Variants in DTD1 observed in about 807,000 individuals in gnomAD.
DTD1 encodes D-aminoacyl-tRNA deacylase 1.
A neutral mutation model predicts 25.6 loss-of-function variants in DTD1; 13 were observed. The observed-to-expected ratio is 0.51, with a 90% confidence interval of 0.33 to 0.81. DTD1 has a LOEUF of 0.81. Among genes scored for constraint, DTD1 ranks in the 30% least tolerant of loss-of-function variants. The probability of loss-of-function intolerance (pLI) is 0.02; values close to 1 mark genes in which losing one functional copy is unlikely to be tolerated. For synonymous variants in DTD1, 110 were observed against 103.6 expected (o/e 1.06, Z -0.37); for missense variants, 193 against 266.4 (o/e 0.72, Z 1.92).
chr20:18,708,262 A>ATTATATATATT (rs2061139555), intron 4 of DTD1, among the ~76,000 whole-genome samples: 11 of 35,646 alleles, frequency 3.1e-4, no homozygotes, highest in East Asian at 9.2e-4. Context: ...TTATATATAT[A>ATTATATATATT]TTTTATATAT....
At chr20:18,610,629 G>T (rs1293511707) in intron 3 of DTD1, among the ~76,000 whole-genome samples, 1 of 152,214 alleles carries the variant, frequency 6.6e-6, no homozygotes, top group African/African-American at 2.4e-5. Context: ...AGAATTTATG[G>T]CTGGGTATGG....
At chr20:18,685,587 G>A (rs148181133) in intron 4 of DTD1, among the ~76,000 whole-genome samples, 2,587 of 152,290 alleles carry the variant, frequency 0.017, 41 homozygotes, top group South Asian at 0.03. Context: ...GTGGGTGACC[G>A]AGTCTCTCTC....
In DTD1 at chr20:18,628,190, T is replaced by G. The variant is rs2060767050; in HGVS notation, c.434T>G (p.Leu145Arg). The G allele has an allele frequency of 6.2e-7, 1 of 1,613,894 alleles. No homozygotes were observed. The change falls in exon 4 of 6, where the codon CTG becomes CGG. Residue 145 changes from leucine (L) to arginine (R), a missense_variant. Coordinates refer to ENST00000377452, the MANE Select transcript of DTD1 (RefSeq NM_080820.6). ...IQNDGPVTIE[L>R]ESPAPGTATS... ...AATGATGGGCCTGTGACCATAGAGC[T>G]GGAATCGCCAGCTCCCGGCACTGCT...
At chr20:18,690,795 C>T (rs2061043106) in intron 4 of DTD1, among the ~76,000 whole-genome samples, 1 of 151,924 alleles carries the variant, frequency 6.6e-6, no homozygotes, top group South Asian at 2.1e-4. Context: ...TGGCTTTGTT[C>T]TTTTTGCTTA....
At chr20:18,732,892 G>A (rs888811861) in intron 4 of DTD1, among the ~76,000 whole-genome samples, 3 of 152,178 alleles carry the variant, frequency 2.0e-5, no homozygotes, top group Non-Finnish European at 2.9e-5. Context: ...CTTCCAATAT[G>A]TAGACACGTA....
At chr20:18,733,786 C>T (rs1037512051) in intron 4 of DTD1, among the ~76,000 whole-genome samples, 3 of 152,136 alleles carry the variant, frequency 2.0e-5, no homozygotes, top group Admixed American at 6.5e-5. Flanking sequence ...AAAAATTCTA[C>T]AAAAACCTCA....
At chr20:18,718,983 C>T (rs184524894) in intron 4 of DTD1, among the ~76,000 whole-genome samples, 86 of 152,218 alleles carry the variant, frequency 5.6e-4, no homozygotes, top group Non-Finnish European at 9.1e-4. Flanking sequence ...ATGGTCTCCC[C>T]GTTTTGTACA....
At chr20:18,599,072 A>G (rs189593550) in intron 3 of DTD1, among the ~76,000 whole-genome samples, 1 of 152,262 alleles carries the variant, frequency 6.6e-6, no homozygotes, top group East Asian at 1.9e-4. Context: ...TAGTCTGGAG[A>G]TACCACAGTT....
At chr20:18,670,869 G>T (rs753280553) in intron 4 of DTD1, among the ~76,000 whole-genome samples, 12 of 152,202 alleles carry the variant, frequency 7.9e-5, no homozygotes, top group Non-Finnish European at 1.8e-4. Flanking sequence ...ACAGAAAAAC[G>T]TGAGTCTCAA....
intron 4 of DTD1, among the ~76,000 whole-genome samples, chr20:18,696,536 G>A (rs1261878810): frequency 6.6e-6 from 1 of 152,040 alleles, no homozygotes; most frequent in East Asian, 1.9e-4. Context: ...ATGCTCACAG[G>A]TGAACTGTAG....
intron 4 of DTD1, among the ~76,000 whole-genome samples, chr20:18,629,714 A>AG (rs2060776177): frequency 6.6e-6 from 1 of 152,042 alleles, no homozygotes; most frequent in South Asian, 2.1e-4. Context: ...TAAAAAAAAG[A>AG]GGTTTAATTG....
intron 4 of DTD1, among the ~76,000 whole-genome samples, chr20:18,685,128 G>T (rs2061011588): frequency 6.6e-6 from 1 of 152,086 alleles, no homozygotes; most frequent in South Asian, 2.1e-4. Flanking sequence ...GTCCCAAACT[G>T]CTAGCCTCAA....
intron 4 of DTD1, among the ~76,000 whole-genome samples, chr20:18,713,594 T>C (rs889836475): frequency 6.6e-6 from 1 of 152,200 alleles, no homozygotes; most frequent in Non-Finnish European, 1.5e-5. Flanking sequence ...TGGGTTCACG[T>C]CCCCACCTTC....
intron 5 of DTD1, among the ~76,000 whole-genome samples, chr20:18,759,790 A>G (rs2061354073): frequency 6.6e-6 from 1 of 152,178 alleles, no homozygotes; most frequent in African/African-American, 2.4e-5. Flanking sequence ...CTGCCTTGCT[A>G]GATTGGGGAA....
At chr20:18,663,948 G>A (rs570735769) in intron 4 of DTD1, among the ~76,000 whole-genome samples, 4 of 152,322 alleles carry the variant, frequency 2.6e-5, no homozygotes, top group African/African-American at 9.6e-5. Flanking sequence ...GACATGTAGG[G>A]ATTCTGGAGA....
chr20:18,705,330 C>T (rs56236836), intron 4 of DTD1, among the ~76,000 whole-genome samples: 50,124 of 151,992 alleles, frequency 0.33, 8,625 homozygotes, highest in Non-Finnish European at 0.38. Context: ...TATCCTCACA[C>T]GTGGACATGG....
Position 18,596,012 on chromosome 20 carries a change from A to C in DTD1, c.141A>C (p.Arg47=), listed in dbSNP as rs1238460616. ...DTQKELEHMV[R]KILNLRVFED... is the part of the protein sequence containing the mutation. ...CTGCTCTTTTTCCCCTTAGGGTCCGAAAGATTCTAAACCTGCGTGTATTTG... is the reference window on the plus strand; with the variant it reads ...CTGCTCTTTTTCCCCTTAGGGTCCGCAAGATTCTAAACCTGCGTGTATTTG... The change falls in exon 3 of 6, where the codon CGA becomes CGC. Residue 47 remains arginine, a synonymous_variant. Transcript: ENST00000377452. The C allele has an allele frequency of 1.2e-5, 20 of 1,614,052 alleles. No individual in the cohort carries two copies. Among genetic ancestry groups the C allele is most frequent in the Non-Finnish European group, 1.7e-5 (20 of 1,179,946 alleles).
intron 4 of DTD1, among the ~76,000 whole-genome samples, chr20:18,640,022 C>T (rs2060822517): frequency 6.7e-6 from 1 of 150,310 alleles, no homozygotes; most frequent in Admixed American, 6.6e-5. Flanking sequence ...TTTTGAAATC[C>T]AGACCAGATC....
intron 4 of DTD1, among the ~76,000 whole-genome samples, chr20:18,660,740 C>G (rs2060906730): frequency 6.6e-6 from 1 of 151,894 alleles, no homozygotes. Context: ...ACCCTATATA[C>G]CATAAACAAA....
Sources: gnomAD v4.1 joint callset for allele counts (sites outside exome capture counted in the v4.1 genomes callset) on GRCh38, gnomAD v4.1.1 for gene constraint, MANE v1.5 for transcripts, NCBI Gene and HGNC (gene_info 2026-07-23, HGNC 2026-07-21) for gene names.